Variants in CCBE1 observed in about 807,000 individuals in gnomAD.
The protein encoded by CCBE1 is collagen and calcium-binding EGF domain-containing protein 1.
Under a neutral mutation model 50.0 loss-of-function variants are expected in CCBE1, and 37 were observed. The observed-to-expected ratio is 0.74, with a 90% confidence interval of 0.57 to 0.97. CCBE1 has a LOEUF of 0.97. Ranked by LOEUF, CCBE1 falls within the 50% of genes least tolerant of loss-of-function variation. The probability of loss-of-function intolerance (pLI) is 0.00; values close to 1 mark genes in which losing one functional copy is unlikely to be tolerated. For missense variants in CCBE1, 538 were observed against 523.8 expected, an observed-to-expected ratio of 1.03 and a Z score of -0.26; for synonymous variants, 234 against 203.7, an observed-to-expected ratio of 1.15 and a Z score of -1.27.
At chr18:59,512,165 A>G (rs1024601766) in intron 2 of CCBE1, among the ~76,000 whole-genome samples, 3 of 152,190 alleles carry the variant, frequency 2.0e-5, no homozygotes, top group African/African-American at 7.2e-5. Flanking sequence ...TTTAAATGAT[A>G]CCAAAGAAGC....
chr18:59,600,971 G>A (rs530126489), intron 2 of CCBE1, among the ~76,000 whole-genome samples: 4 of 125,904 alleles, frequency 3.2e-5, no homozygotes, highest in Non-Finnish European at 6.7e-5. Context: ...GGCCCATTCT[G>A]TACTATGGAT....
chr18:59,641,208 C>G (rs1298035811), intron 2 of CCBE1, among the ~76,000 whole-genome samples: 1 of 148,594 alleles, frequency 6.7e-6, no homozygotes, highest in African/African-American at 2.5e-5. Flanking sequence ...ATGGAATCAA[C>G]TGAATGCCAA....
intron 5 of CCBE1, among the ~76,000 whole-genome samples, chr18:59,456,548 A>C (rs533952158): frequency 2.6e-5 from 4 of 152,312 alleles, no homozygotes. Flanking sequence ...AAAGGCACGG[A>C]ATGGATTGTC....
At chr18:59,457,009 T>C (rs2143682900) in intron 5 of CCBE1, among the ~76,000 whole-genome samples, 1 of 152,336 alleles carries the variant, frequency 6.6e-6, no homozygotes, top group Middle Eastern at 3.4e-3. Context: ...TGCTGTGTAG[T>C]TGCGTTTCCA....
At chr18:59,603,899 C>G (rs1182940000) in intron 2 of CCBE1, among the ~76,000 whole-genome samples, 2 of 152,188 alleles carry the variant, frequency 1.3e-5, no homozygotes, top group African/African-American at 4.8e-5. Context: ...GCCGAAAGGT[C>G]CTCAACCTCT....
At chr18:59,597,340 T>A (rs2053366757) in intron 2 of CCBE1, among the ~76,000 whole-genome samples, 1 of 152,224 alleles carries the variant, frequency 6.6e-6, no homozygotes, top group Non-Finnish European at 1.5e-5. Context: ...GTCAACGTAA[T>A]GCGGAGTCAG....
At chr18:59,614,564 G>A (rs1156330365) in intron 2 of CCBE1, among the ~76,000 whole-genome samples, 1 of 152,162 alleles carries the variant, frequency 6.6e-6, no homozygotes, top group African/African-American at 2.4e-5. Flanking sequence ...GACGGCTGGG[G>A]CAATTTTTCT....
In CCBE1 at chr18:59,685,399, C is replaced by G. The variant is rs114570146; in HGVS notation, c.212+11230G>C. On this transcript the variant is annotated intron_variant, in intron 2 of 10. Transcript: ENST00000439986. ...GGATTGGAGACACCAGGCACAGTGA[C>G]TGTCACCAAGGGACCACTGAGGGAC... Among the ~76,000 whole-genome samples the G allele has an allele frequency of 7.6e-3, 1,163 of 152,306 alleles. 7 individuals are homozygous for G. The highest frequency in any genetic ancestry group is 0.024 in the African/African-American group (979 of 41,554).
intron 2 of CCBE1, among the ~76,000 whole-genome samples, chr18:59,486,917 T>A (rs1912849507): frequency 6.6e-6 from 1 of 151,740 alleles, no homozygotes; most frequent in South Asian, 2.1e-4. Flanking sequence ...TTACCAAATC[T>A]CAGTGACAAT....
chr18:59,608,371 G>C (rs1018351446), intron 2 of CCBE1, among the ~76,000 whole-genome samples: 2 of 152,096 alleles, frequency 1.3e-5, no homozygotes, highest in Non-Finnish European at 2.9e-5. Context: ...TCCTAATCAT[G>C]TCAGAGATTA....
chr18:59,440,986 A>G (rs186443971), intron 7 of CCBE1, among the ~76,000 whole-genome samples: 63 of 152,378 alleles, frequency 4.1e-4, no homozygotes, highest in Admixed American at 1.4e-3. Context: ...GCATAAGGTA[A>G]CAGCATCCTT....
chr18:59,562,920 G>C (rs2052762365), intron 2 of CCBE1, among the ~76,000 whole-genome samples: 1 of 152,244 alleles, frequency 6.6e-6, no homozygotes, highest in Admixed American at 6.5e-5. Context: ...TCTCTTGTTT[G>C]TTTCCCAGTT....
At chr18:59,448,524 AG>A (rs1277800950) in intron 6 of CCBE1, among the ~76,000 whole-genome samples, 1 of 152,182 alleles carries the variant, frequency 6.6e-6, no homozygotes, top group Non-Finnish European at 1.5e-5. Flanking sequence ...CTGCCCTTAA[AG>A]AACTCTCAGC....
At chr18:59,546,884 C>G (rs535460746) in intron 2 of CCBE1, among the ~76,000 whole-genome samples, 18 of 152,086 alleles carry the variant, frequency 1.2e-4, no homozygotes, top group African/African-American at 3.9e-4. Flanking sequence ...TGGAGCTTGG[C>G]CATTCTTTTT....
intron 2 of CCBE1, among the ~76,000 whole-genome samples, chr18:59,496,485 A>T (rs1015700495): frequency 2.0e-5 from 3 of 152,154 alleles, no homozygotes; most frequent in Non-Finnish European, 4.4e-5. Flanking sequence ...ATTACAGGGT[A>T]TAGAAGGAAT....
chr18:59,484,296 C>A (rs1299312959), intron 2 of CCBE1, among the ~76,000 whole-genome samples: 1 of 152,128 alleles, frequency 6.6e-6, no homozygotes, highest in African/African-American at 2.4e-5. Context: ...AAGTTGGATA[C>A]AAGGGGGAAA....
intron 2 of CCBE1, among the ~76,000 whole-genome samples, chr18:59,494,026 G>C (rs1406003709): frequency 6.6e-6 from 1 of 152,148 alleles, no homozygotes; most frequent in Non-Finnish European, 1.5e-5. Flanking sequence ...CCAGCCATGT[G>C]GAACTGTAAG....
chr18:59,456,087 T>G (rs921062773), intron 5 of CCBE1, among the ~76,000 whole-genome samples: 57 of 152,250 alleles, frequency 3.7e-4, no homozygotes, highest in African/African-American at 1.3e-3. Context: ...CCATGAAGCC[T>G]GCTCTCTACC....
intron 2 of CCBE1, among the ~76,000 whole-genome samples, chr18:59,665,096 G>A (rs2054335748): frequency 6.6e-6 from 1 of 152,052 alleles, no homozygotes; most frequent in South Asian, 2.1e-4. Context: ...ACAAGGCCAA[G>A]GCAGCTCCAA....
Sources: gnomAD v4.1 joint callset for allele counts (sites outside exome capture counted in the v4.1 genomes callset) on GRCh38, gnomAD v4.1.1 for gene constraint, MANE v1.5 for transcripts, NCBI Gene and HGNC (gene_info 2026-07-23, HGNC 2026-07-21) for gene names.